The following RPS6KC1 variants were observed in gnomAD, a reference collection of about 807,000 sequenced individuals.
RPS6KC1 encodes the protein inactive ribosomal protein S6 kinase delta-1.
RPS6KC1 carries 54 observed loss-of-function variants against 103.8 expected under a neutral mutation model. The observed-to-expected ratio is 0.52, with a 90% CI of 0.42 to 0.65. RPS6KC1 has a LOEUF of 0.65. Ranked by LOEUF, RPS6KC1 falls within the 30% of genes least tolerant of loss-of-function variation. The probability of loss-of-function intolerance (pLI) is 0.00; values close to 1 mark genes in which losing one functional copy is unlikely to be tolerated. For synonymous variants in RPS6KC1, 439 were observed against 438.7 expected, an observed-to-expected ratio of 1.00 and a Z score of -0.01; for missense variants, 1,151 against 1,253.8, an observed-to-expected ratio of 0.92 and a Z score of 1.24.
At chr1:213,608,397 G>T in the RPS6KC1 span, among the ~76,000 whole-genome samples, 1 of 152,214 alleles carries the variant, frequency 6.6e-6, no homozygotes, top group African/African-American at 2.4e-5. Flanking sequence ...CAGCTTCGCA[G>T]TTAGGATGAG....
chr1:213,684,385 GA>G, the RPS6KC1 span, among the ~76,000 whole-genome samples: 1 of 149,498 alleles, frequency 6.7e-6, no homozygotes, highest in African/African-American at 2.4e-5. Context: ...GAAAGAGCAG[GA>G]ATTAGAACGA....
the RPS6KC1 span, among the ~76,000 whole-genome samples, chr1:213,489,102 T>C: frequency 6.6e-6 from 1 of 152,154 alleles, no homozygotes; most frequent in Non-Finnish European, 1.5e-5. Context: ...GGAACATACA[T>C]ACATGCAAGA....
chr1:213,162,798 T>A (rs1399114505), intron 6 of RPS6KC1, among the ~76,000 whole-genome samples: 2 of 152,238 alleles, frequency 1.3e-5, no homozygotes, highest in African/African-American at 4.8e-5. Flanking sequence ...TTGAAAACAA[T>A]CATAATTGAG....
chr1:213,739,560 A>C, the RPS6KC1 span, among the ~76,000 whole-genome samples: 1 of 152,208 alleles, frequency 6.6e-6, no homozygotes, highest in Non-Finnish European at 1.5e-5. Flanking sequence ...TGTTCCAGGC[A>C]TACTGAATAA....
chr1:213,431,222 G>C, the RPS6KC1 span, among the ~76,000 whole-genome samples: 1 of 152,228 alleles, frequency 6.6e-6, no homozygotes, highest in Non-Finnish European at 1.5e-5. Flanking sequence ...TTCAGGACTT[G>C]ATGGGCAAGA....
chr1:213,257,563 G>C (rs1252235855), intron 12 of RPS6KC1, among the ~76,000 whole-genome samples: 1 of 152,146 alleles, frequency 6.6e-6, no homozygotes, highest in Non-Finnish European at 1.5e-5. Context: ...AGGTTGCTTA[G>C]AGATTGTAAA....
chr1:213,560,768 T>A, the RPS6KC1 span, among the ~76,000 whole-genome samples: 1 of 152,126 alleles, frequency 6.6e-6, no homozygotes, highest in Non-Finnish European at 1.5e-5. Flanking sequence ...CTCACGAGGA[T>A]GATGTAAAGG....
intron 6 of RPS6KC1, among the ~76,000 whole-genome samples, chr1:213,130,746 T>A (rs149174162): frequency 5.0e-4 from 76 of 152,318 alleles, no homozygotes; most frequent in Admixed American, 1.5e-3. Context: ...CCTGTCTGTA[T>A]ATGGAGGGTC....
the RPS6KC1 span, among the ~76,000 whole-genome samples, chr1:213,623,621 A>G: frequency 6.6e-6 from 1 of 152,242 alleles, no homozygotes; most frequent in Admixed American, 6.5e-5. Flanking sequence ...GGGAACTGTC[A>G]TACTGAGTTG....
At chr1:213,421,128 T>G in the RPS6KC1 span, among the ~76,000 whole-genome samples, 2 of 152,160 alleles carry the variant, frequency 1.3e-5, no homozygotes, top group Admixed American at 6.5e-5. Context: ...TTTTTTTGTT[T>G]GTTCATTTTT....
intron 14 of RPS6KC1, among the ~76,000 whole-genome samples, chr1:213,271,585 G>A (rs1202372188): frequency 6.6e-6 from 1 of 152,072 alleles, no homozygotes; most frequent in Non-Finnish European, 1.5e-5. Flanking sequence ...CTAACACGGT[G>A]AAACCCTGTC....
the RPS6KC1 span, among the ~76,000 whole-genome samples, chr1:213,460,439 G>T: frequency 2.5e-5 from 3 of 117,922 alleles, no homozygotes; most frequent in Admixed American, 9.1e-5. Context: ...CCATTTACTT[G>T]GTAAATATTC....
chr1:213,656,079 T>A, the RPS6KC1 span, among the ~76,000 whole-genome samples: 1 of 152,166 alleles, frequency 6.6e-6, no homozygotes, highest in Non-Finnish European at 1.5e-5. Flanking sequence ...GCTTTATGAG[T>A]ATTAATTAAT....
the RPS6KC1 span, chr1:213,817,639 G>C: frequency 6.6e-6 from 1 of 152,196 alleles, no homozygotes; most frequent in East Asian, 1.9e-4. Context: ...ATGTAGCATA[G>C]AGGATAGGAA....
chr1:213,087,342 A>G (rs1341141605), intron 3 of RPS6KC1, among the ~76,000 whole-genome samples: 3 of 152,166 alleles, frequency 2.0e-5, no homozygotes, highest in East Asian at 3.8e-4. Context: ...AGCTAATACC[A>G]GCTATATTTC....
the RPS6KC1 span, among the ~76,000 whole-genome samples, chr1:213,592,327 A>G: frequency 1.3e-5 from 2 of 152,258 alleles, no homozygotes; most frequent in Non-Finnish European, 2.9e-5. Flanking sequence ...TAAAAATCAG[A>G]GTTGAAAACT....
chr1:213,072,563 T>A (rs1047416299), intron 2 of RPS6KC1, among the ~76,000 whole-genome samples: 15 of 149,472 alleles, frequency 1.0e-4, no homozygotes, highest in African/African-American at 2.7e-4. Flanking sequence ...AAAAAAAAAA[T>A]AGATTTAATA....
chr1:213,206,067 T>G (rs2093341449), intron 8 of RPS6KC1, among the ~76,000 whole-genome samples: 1 of 152,230 alleles, frequency 6.6e-6, no homozygotes, highest in Non-Finnish European at 1.5e-5. Context: ...GTACTTGCAT[T>G]TGAATACTAT....
chr1:213,498,968 C>G, the RPS6KC1 span, among the ~76,000 whole-genome samples: 1 of 151,230 alleles, frequency 6.6e-6, no homozygotes, highest in South Asian at 2.1e-4. Flanking sequence ...TTAGTAGAGA[C>G]AGGGTTTCTC....
Sources: allele counts gnomAD v4.1 joint callset (sites outside exome capture counted in the v4.1 genomes callset), GRCh38; gene constraint gnomAD v4.1.1; transcripts MANE v1.5; gene names NCBI Gene and HGNC (gene_info 2026-07-23, HGNC 2026-07-21).